LIMCH1: variants seen among roughly 807,000 people sequenced by gnomAD.
The protein encoded by LIMCH1 is LIM and calponin homology domains 1.
A neutral mutation model predicts 176.5 loss-of-function variants in LIMCH1; 113 were observed. The ratio of observed to expected loss-of-function variants is 0.64; its 90% CI spans 0.55 to 0.75. The LOEUF is 0.75. Ranked by LOEUF, LIMCH1 falls within the 30% of genes least tolerant of loss-of-function variation. The pLI, the probability that LIMCH1 is intolerant of heterozygous loss-of-function variation, is 0.00. For missense variants in LIMCH1, 1,674 were observed against 1,814.9 expected, an observed-to-expected ratio of 0.92 and a Z score of 1.41; for synonymous variants, 619 against 645.9, an observed-to-expected ratio of 0.96 and a Z score of 0.63.
chr4:41,632,655 T>C, intron 10 of LIMCH1, 94 bp from the exon 11 acceptor site: 1 of 965,072 alleles, frequency 1.0e-6, no homozygotes, highest in Admixed American at 2.0e-5. Context: ...CACATTCTTC[T>C]CTTAATCTTT....
intron 2 of LIMCH1, 98 bp from the exon 3 acceptor site, chr4:41,603,777 T>A: frequency 1.3e-6 from 1 of 783,722 alleles, no homozygotes; most frequent in Non-Finnish European, 2.2e-6. Flanking sequence ...TTTCATTATA[T>A]ATGTTAGCTT....
intron 18 of LIMCH1, among the ~76,000 whole-genome samples, chr4:41,655,091 C>A (rs1208313238): frequency 6.6e-6 from 1 of 152,002 alleles, no homozygotes; most frequent in Admixed American, 6.6e-5. Context: ...TGTATGTCTC[C>A]CCCAAAGCTA....
chr4:41,495,688 TA>T (rs1474000915), intron 2 of LIMCH1, among the ~76,000 whole-genome samples: 6 of 152,254 alleles, frequency 3.9e-5, no homozygotes, highest in African/African-American at 1.4e-4. Context: ...AAAATCATAA[TA>T]AAAAATGTAT....
At chr4:41,376,773 T>C (rs768612713) in intron 1 of LIMCH1, among the ~76,000 whole-genome samples, 2 of 152,242 alleles carry the variant, frequency 1.3e-5, no homozygotes, top group East Asian at 1.9e-4. Flanking sequence ...AAGAAATTTC[T>C]TACGTTTTCG....
intron 1 of LIMCH1, among the ~76,000 whole-genome samples, chr4:41,365,248 A>G (rs1475413040): frequency 6.6e-6 from 1 of 152,244 alleles, no homozygotes; most frequent in Non-Finnish European, 1.5e-5. Context: ...GACCTAATCC[A>G]TACTTCACAA....
In LIMCH1 at chr4:41,689,537, G is replaced by A. The variant is rs1723703799; in HGVS notation, c.4177G>A (p.Gly1393Arg). ...TATTTTTAAACCTAGGTCTATAAGT[G>A]GAAAGAAGCTGTGCTCTTCCTGTGG... ...PGQSPNRSIS[G>R]KKLCSSCGLP... is the part of the protein sequence containing the mutation. The change falls in exon 30 of 32, where the codon GGA becomes AGA. Residue 1393 changes from glycine (G) to arginine (R), a missense_variant. Around this residue, in one of 3 missense-constraint regions of LIMCH1, gnomAD observed 1,015 missense variants for 1,102.5 expected, o/e 0.92. Transcript: ENST00000503057. 1 of 1,599,528 alleles carries A rather than the reference G, an allele frequency of 6.3e-7. No individual in the cohort carries two copies. The highest frequency in any genetic ancestry group is 1.1e-5 in the South Asian group (1 of 90,814).
At chr4:41,664,307 C>T (rs2094743630) in intron 20 of LIMCH1, among the ~76,000 whole-genome samples, 1 of 152,154 alleles carries the variant, frequency 6.6e-6, no homozygotes, top group Admixed American at 6.5e-5. Context: ...TGGCTGTGCA[C>T]CTACTATGTC....
intron 18 of LIMCH1, among the ~76,000 whole-genome samples, chr4:41,653,683 C>T (rs972379564): frequency 6.6e-6 from 1 of 152,220 alleles, no homozygotes; most frequent in African/African-American, 2.4e-5. Context: ...GGGAGAACAA[C>T]AGAGAAGGGC....
intron 1 of LIMCH1, among the ~76,000 whole-genome samples, chr4:41,588,166 A>G (rs981990231): frequency 1.3e-5 from 2 of 150,748 alleles, no homozygotes; most frequent in African/African-American, 4.9e-5. Context: ...ATTCCCACCT[A>G]TGAGTGAGAA....
chr4:41,605,296 T>C (rs1255019323), intron 3 of LIMCH1, among the ~76,000 whole-genome samples: 2 of 152,220 alleles, frequency 1.3e-5, no homozygotes, highest in Non-Finnish European at 2.9e-5. Context: ...AATCTAACTA[T>C]ACCCCAAAGC....
intron 1 of LIMCH1, among the ~76,000 whole-genome samples, chr4:41,487,698 G>A (rs1480409730): frequency 3.5e-4 from 43 of 123,574 alleles, no homozygotes; most frequent in African/African-American, 8.9e-4. Context: ...TCGCTCTGTC[G>A]CCCAGGCTGG....
Position 41,514,005 on chromosome 4 carries a change from T to TAAAAA in LIMCH1, c.168-10366_168-10362dup, listed in dbSNP as rs71198665. On this transcript the variant is annotated intron_variant, in intron 2 of 26. Transcript: ENST00000313860. ...TGGGTGATAGAGAGAGACTCCGTCT[T>TAAAAA]AAAAAAAAAAAAAAAAAAAAAAAAA... Among the ~76,000 whole-genome samples, 469 of 48,494 alleles carry TAAAAA rather than the reference T, an allele frequency of 9.7e-3. 17 individuals carry two copies. The highest frequency in any genetic ancestry group is 0.014 in the Non-Finnish European group (349 of 25,308). 31.8% of individuals were successfully genotyped at this position (48,494 alleles called of 152,430 possible).
chr4:41,494,514 CTTTTT>C (rs764608878), intron 1 of LIMCH1: 53 of 1,600,764 alleles, frequency 3.3e-5, no homozygotes, highest in Non-Finnish European at 4.5e-5. Context: ...CTTATGTGCT[CTTTTT>C]CTTTTCTTTT....
intron 2 of LIMCH1, among the ~76,000 whole-genome samples, chr4:41,511,413 C>G (rs2074907800): frequency 6.6e-6 from 1 of 152,236 alleles, no homozygotes. Flanking sequence ...ATCGCTGTGA[C>G]AGCCATACAT....
intron 2 of LIMCH1, among the ~76,000 whole-genome samples, chr4:41,498,580 A>T (rs1393235507): frequency 6.6e-6 from 1 of 152,196 alleles, no homozygotes; most frequent in Non-Finnish European, 1.5e-5. Context: ...TCAAAGTGTG[A>T]CAGAGCCACA....
At chr4:41,546,335 C>T (rs1316122817) in intron 1 of LIMCH1, among the ~76,000 whole-genome samples, 1 of 151,974 alleles carries the variant, frequency 6.6e-6, no homozygotes, top group Non-Finnish European at 1.5e-5. Context: ...GATGGGGTTT[C>T]ACCATGTTGG....
chr4:41,419,929 G>T (rs139319755), intron 1 of LIMCH1, among the ~76,000 whole-genome samples: 1 of 151,976 alleles, frequency 6.6e-6, no homozygotes, highest in East Asian at 1.9e-4. Flanking sequence ...TTGCCCTCAA[G>T]AAACTGACAT....
In LIMCH1 at chr4:41,631,254, A is replaced by G; in HGVS notation, c.1378A>G (p.Lys460Glu). ...FANRKARASK[K>E]ASSPRQKFVH... ...CAACCGCAAAGCAAGGGCCTCTAAG[A>G]AAGCTTCCAGCCCCAGGCAAAAGTT... Residue 460 changes from lysine (K) to glutamate (E), a missense_variant, in exon 10 of 32, where the codon AAA (lysine) becomes GAA (glutamate). Lys to Glu is a moderately conservative substitution (Grantham distance 56). Transcript: ENST00000503057. 6.5e-7 allele frequency: 1 copy of G among 1,536,142 alleles called. No homozygotes were observed. Among genetic ancestry groups the G allele is most frequent in the African/African-American group, 1.4e-5 (1 of 73,172 alleles).
intron 1 of LIMCH1, among the ~76,000 whole-genome samples, chr4:41,454,861 T>C (rs1582467756): frequency 1.3e-5 from 2 of 152,060 alleles, no homozygotes; most frequent in African/African-American, 2.4e-5. Context: ...ATCCTGACCT[T>C]CTCTGATTCT....
Sources: gnomAD v4.1 joint callset for allele counts (sites outside exome capture counted in the v4.1 genomes callset) on GRCh38, gnomAD v4.1.1 for gene constraint, gnomAD v4.1.1 regional missense constraint, MANE v1.5 for transcripts, NCBI Gene and HGNC (gene_info 2026-07-23, HGNC 2026-07-21) for gene names.